Variants in TM4SF1 observed in about 807,000 individuals in gnomAD.
The protein encoded by TM4SF1 is transmembrane 4 L6 family member 1.
TM4SF1 carries 20 observed loss-of-function variants against 24.5 expected under a neutral mutation model. The observed-to-expected ratio is 0.82, with a 90% CI of 0.57 to 1.19. The LOEUF (loss-of-function observed/expected upper bound fraction) is 1.19, where lower values mean the gene tolerates loss of function less well. Ranked by LOEUF, TM4SF1 falls within the 50% of genes most tolerant of loss-of-function variation. The pLI is 0.00. For synonymous variants in TM4SF1, 107 were observed against 95.4 expected, an observed-to-expected ratio of 1.12 and a Z score of -0.71; for missense variants, 258 against 248.1, an observed-to-expected ratio of 1.04 and a Z score of -0.27.
chr3:149,375,216 A>G (rs1290857974), intron 3 of TM4SF1, among the ~76,000 whole-genome samples: 2 of 152,142 alleles, frequency 1.3e-5, no homozygotes, highest in African/African-American at 2.4e-5. Flanking sequence ...GGGGGAAAAA[A>G]AAAGAAAGAA....
Position 149,369,629 on chromosome 3 carries a change from G to A in TM4SF1, c.*237C>T. 2.1e-6 allele frequency: 1 copy of A among 481,936 alleles called. No individual in the cohort carries two copies. Among genetic ancestry groups the A allele is most frequent in the Non-Finnish European group, 3.6e-6 (1 of 274,318 alleles). The allele number at this position is 481,936 out of a possible 1,614,324, so 29.9% of individuals were successfully genotyped here. A position where few individuals can be genotyped will look rare whatever the true frequency, so the allele number is the denominator to read the frequency against. On this transcript the variant is annotated 3_prime_UTR_variant, in exon 5 of 5. Coordinates refer to ENST00000305366, the MANE Select transcript of TM4SF1 (RefSeq NM_014220.3). The stretch of plus-strand genomic sequence containing the variant: ...CTCAGTCTGTAAATTACCCCCAGAG[G>A]GTGGTTTGTTTCCTCATTCCTTAAA...
chr3:149,370,679 A>C (rs1390687311), intron 4 of TM4SF1: 1 of 152,176 alleles, frequency 6.6e-6, no homozygotes, highest in Non-Finnish European at 1.5e-5. Context: ...GAAATTATTA[A>C]TCTTGCTATA....
At chr3:149,371,567 A>C in intron 4 of TM4SF1, 120 bp downstream of exon 4, 1 of 989,738 alleles carries the variant, frequency 1.0e-6, no homozygotes, top group South Asian at 1.4e-5. Context: ...TGCTACAAAG[A>C]TGATATCAGA....
chr3:149,377,516 C>T lies in TM4SF1; in HGVS notation c.32G>A (p.Gly11Glu). ...GAGGGCGAGCCCCACCAGAGAATGT[C>T]CGATGCATCGTGCACACTTCCCATA... MCYGKCARCIGHSLVGLALLC... is the reference protein window; with the variant it reads MCYGKCARCIEHSLVGLALLC... The change falls in exon 1 of 5, where the codon GGA (glycine) becomes GAA (glutamate). Residue 11 changes from glycine (G) to glutamate (E), a missense_variant. Physicochemically the swap from Gly to Glu is moderately conservative, Grantham distance 98 (BLOSUM62 -2). Coordinates refer to ENST00000305366, the MANE Select transcript of TM4SF1 (RefSeq NM_014220.3). 2 of 1,613,994 alleles carry T rather than the reference C, an allele frequency of 1.2e-6. No homozygotes were observed. The highest frequency in any genetic ancestry group is 1.1e-5 in the South Asian group (1 of 91,054).
intron 3 of TM4SF1, among the ~76,000 whole-genome samples, chr3:149,373,058 C>G (rs1017317053): frequency 4.6e-5 from 7 of 152,178 alleles, no homozygotes; most frequent in African/African-American, 1.7e-4. Context: ...GGCATCTAAC[C>G]TAGTCCAGGG....
chr3:149,377,630 T>C lies in TM4SF1; in HGVS notation c.-83A>G. 1 of 1,529,388 alleles carries C rather than the reference T, an allele frequency of 6.5e-7. No individual in the cohort carries two copies. The highest frequency in any genetic ancestry group is 8.8e-7 in the Non-Finnish European group (1 of 1,139,314). The allele number at this position is 1,529,388 out of a possible 1,614,324, so 94.7% of individuals were successfully genotyped here. On this transcript the variant is annotated 5_prime_UTR_variant, in exon 1 of 5. Transcript: ENST00000305366. Reference sequence around the variant, plus strand: ...ATTAGATGAAAGTGTGCCCTTCTGGTGGAGAAAGCAAACACCACTCTCAGC... The same window carrying C: ...ATTAGATGAAAGTGTGCCCTTCTGGCGGAGAAAGCAAACACCACTCTCAGC...
At chr3:149,374,923 C>T (rs890209859) in intron 3 of TM4SF1, among the ~76,000 whole-genome samples, 9 of 152,330 alleles carry the variant, frequency 5.9e-5, no homozygotes, top group Admixed American at 5.2e-4. Flanking sequence ...AACACAAACT[C>T]TACATCTAGA....
chr3:149,371,948 T>C, intron 3 of TM4SF1, 81 bp from the exon 4 acceptor site: 1 of 1,361,384 alleles, frequency 7.3e-7, no homozygotes, highest in South Asian at 1.3e-5. Flanking sequence ...TGGTGGTTTT[T>C]CATTCAGAAA....
At position 149,377,508 on chromosome 3, in the gene TM4SF1, G is replaced by C. The variant is rs753825312; in HGVS notation, c.40C>G (p.Leu14Val). Reference sequence around the variant, plus strand: ...ATGCACAGGAGGGCGAGCCCCACCAGAGAATGTCCGATGCATCGTGCACAC... The same window carrying C: ...ATGCACAGGAGGGCGAGCCCCACCACAGAATGTCCGATGCATCGTGCACAC... Reference protein sequence around the residue: ...GKCARCIGHSLVGLALLCIAA... With the variant: ...GKCARCIGHSVVGLALLCIAA... The change falls in exon 1 of 5, where the codon CTG (leucine) becomes GTG (valine). Residue 14 changes from leucine to valine, a missense_variant. Physicochemically the swap from Leu to Val is conservative, Grantham distance 32 (BLOSUM62 1). Coordinates refer to ENST00000305366, the MANE Select transcript of TM4SF1 (RefSeq NM_014220.3). The C allele has an allele frequency of 6.2e-6, 10 of 1,614,100 alleles. No homozygotes were observed. The highest frequency in any genetic ancestry group is 5.5e-5 in the South Asian group (5 of 91,062).
At chr3:149,374,712 G>A (rs559303007) in intron 3 of TM4SF1, among the ~76,000 whole-genome samples, 3 of 152,174 alleles carry the variant, frequency 2.0e-5, no homozygotes, top group Non-Finnish European at 2.9e-5. Flanking sequence ...ATGAGTGTAT[G>A]TATGTGTATG....
At chr3:149,370,142 T>A (rs1731786106) in intron 4 of TM4SF1, 2 of 359,192 alleles carry the variant, frequency 5.6e-6, no homozygotes, top group South Asian at 4.0e-5. Flanking sequence ...TTTGAGTGCA[T>A]TTGTGTGGGG....
intron 3 of TM4SF1, among the ~76,000 whole-genome samples, chr3:149,372,697 C>T (rs1194530881): frequency 1.3e-5 from 2 of 152,154 alleles, no homozygotes; most frequent in East Asian, 3.9e-4. Context: ...AATCTTGGCT[C>T]ATTGCAACCT....
Position 149,375,476 on chromosome 3 carries a change from T to C in TM4SF1, c.380A>G (p.Gln127Arg). 2 of 1,614,182 alleles carry C rather than the reference T, an allele frequency of 1.2e-6. No homozygotes were observed. Among genetic ancestry groups the C allele is most frequent in the Non-Finnish European group, 1.7e-6 (2 of 1,180,020 alleles). Reference sequence around the variant, plus strand: ...AGTGCTGGCAAAGGTGTAGTTCCACTGGCCGAGGGAATCAAGACATAGTGG... The same window carrying C: ...AGTGCTGGCAAAGGTGTAGTTCCACCGGCCGAGGGAATCAAGACATAGTGG... ...EGPLCLDSLG[Q>R]WNYTFASTEG... Residue 127 changes from glutamine (Q) to arginine (R), a missense_variant, in exon 3 of 5, where the codon CAG (glutamine) becomes CGG (arginine). Transcript: ENST00000305366.
chr3:149,377,259 A>C (rs1243671619), intron 1 of TM4SF1, 112 bp downstream of exon 1: 1 of 1,379,028 alleles, frequency 7.3e-7, no homozygotes, highest in Non-Finnish European at 9.8e-7. Flanking sequence ...GAACAGCAAC[A>C]AAAAAGTCAC....
chr3:149,371,408 A>G (rs1731817199), intron 4 of TM4SF1: 2 of 573,424 alleles, frequency 3.5e-6, no homozygotes, highest in East Asian at 5.7e-5. Flanking sequence ...GAGCAGAGGC[A>G]GTGAATTAGA....
At chr3:149,372,572 A>C (rs1021834522) in intron 3 of TM4SF1, among the ~76,000 whole-genome samples, 1 of 152,256 alleles carries the variant, frequency 6.6e-6, no homozygotes. Context: ...TAAGGAATAA[A>C]TTAATTTGCA....
chr3:149,375,541 G>T lies in TM4SF1; in HGVS notation c.315C>A (p.Gly105=), dbSNP rs1242871119. ...LAALIGIAGS[G]YCVIVAALGL... ...CAAGGGCTGCCACAATGACACAGTA[G>T]CCAGATCCTGCAATTCCAATGAGAG... is the stretch of plus-strand genomic sequence containing the variant. The change falls in exon 3 of 5, where the codon GGC becomes GGA. Residue 105 remains glycine (G), a synonymous_variant. Coordinates refer to ENST00000305366, the MANE Select transcript of TM4SF1 (RefSeq NM_014220.3). 6.8e-6 allele frequency: 11 copies of T among 1,614,108 alleles called. No individual in the cohort carries two copies. The highest frequency in any genetic ancestry group is 9.3e-6 in the Non-Finnish European group (11 of 1,180,050).
chr3:149,371,519 C>T, intron 4 of TM4SF1, 168 bp downstream of exon 4: 1 of 693,842 alleles, frequency 1.4e-6, no homozygotes, highest in East Asian at 2.7e-5. Context: ...CTCGAGGAAG[C>T]TTGTTACTGA....
intron 1 of TM4SF1, among the ~76,000 whole-genome samples, chr3:149,376,058 C>A (rs1443786253): frequency 1.3e-5 from 2 of 152,150 alleles, no homozygotes; most frequent in Admixed American, 6.5e-5. Flanking sequence ...GTTTATCACA[C>A]GACCCCAGAT....
Sources: allele counts gnomAD v4.1 joint callset (sites outside exome capture counted in the v4.1 genomes callset), GRCh38; gene constraint gnomAD v4.1.1; transcripts MANE v1.5; gene names NCBI Gene and HGNC (gene_info 2026-07-23, HGNC 2026-07-21).